CHST9: variants seen among roughly 807,000 people sequenced by gnomAD.
CHST9 encodes the protein GalNAc-4-sulfotransferase 2.
CHST9 carries 41 observed loss-of-function variants against 44.4 expected under a neutral mutation model. That is an observed-to-expected ratio of 0.92 (90% CI 0.72 to 1.20). The LOEUF is 1.20. CHST9 is among the 50% of genes most tolerant of loss of function. CHST9 has a pLI of 0.00. For synonymous variants in CHST9, 171 were observed against 178.4 expected, an observed-to-expected ratio of 0.96 and a Z score of 0.33; for missense variants, 504 against 516.5, an observed-to-expected ratio of 0.98 and a Z score of 0.23.
At chr18:26,954,160 G>A (rs917813125) in intron 4 of CHST9, among the ~76,000 whole-genome samples, 2 of 152,104 alleles carry the variant, frequency 1.3e-5, no homozygotes, top group Non-Finnish European at 2.9e-5. Flanking sequence ...GGCAGATTTG[G>A]TCATTCAGCA....
At chr18:26,925,442 T>C (rs2055748079) in intron 5 of CHST9, among the ~76,000 whole-genome samples, 1 of 152,230 alleles carries the variant, frequency 6.6e-6, no homozygotes, top group Non-Finnish European at 1.5e-5. Context: ...TTGCTGGAGC[T>C]GGTGTCTCAA....
intron 2 of CHST9, among the ~76,000 whole-genome samples, chr18:27,069,518 CA>C (rs1366009074): frequency 1.3e-5 from 2 of 152,202 alleles, no homozygotes; most frequent in Non-Finnish European, 2.9e-5. Flanking sequence ...TTCCTATACT[CA>C]TATTAAATAC....
At chr18:26,973,221 GTCTATTTCTTAC>G (rs1189960456) in intron 4 of CHST9, among the ~76,000 whole-genome samples, 3 of 152,064 alleles carry the variant, frequency 2.0e-5, no homozygotes, top group Non-Finnish European at 4.4e-5. Context: ...CTTTTCAATG[GTCTATTTCTTAC>G]TGCTAGAACG....
chr18:27,107,167 G>A (rs1160483128), intron 2 of CHST9, among the ~76,000 whole-genome samples: 2 of 152,172 alleles, frequency 1.3e-5, no homozygotes, highest in Non-Finnish European at 2.9e-5. Flanking sequence ...GGTAAATAGT[G>A]ACTATACGTC....
chr18:27,089,654 T>A (rs1330407655), intron 2 of CHST9, among the ~76,000 whole-genome samples: 1 of 152,172 alleles, frequency 6.6e-6, no homozygotes, highest in Non-Finnish European at 1.5e-5. Context: ...ATATACCCAG[T>A]AATGGGATTG....
intron 1 of CHST9, among the ~76,000 whole-genome samples, chr18:27,161,202 T>C (rs1190318272): frequency 6.6e-6 from 1 of 152,218 alleles, no homozygotes; most frequent in Non-Finnish European, 1.5e-5. Flanking sequence ...ATTGTGATGT[T>C]AGGGTGTCAA....
intron 3 of CHST9, among the ~76,000 whole-genome samples, chr18:27,027,266 C>T (rs2057293925): frequency 6.6e-6 from 1 of 152,158 alleles, no homozygotes; most frequent in African/African-American, 2.4e-5. Context: ...GGCTATGTGG[C>T]AGTTTGTTGT....
intron 4 of CHST9, among the ~76,000 whole-genome samples, chr18:27,020,553 T>C (rs2057212356): frequency 6.6e-6 from 1 of 152,222 alleles, no homozygotes; most frequent in Non-Finnish European, 1.5e-5. Context: ...TCAAATGTTA[T>C]TCATGGGAGA....
chr18:27,056,413 A>C (rs1425805145), intron 2 of CHST9, among the ~76,000 whole-genome samples: 1 of 152,152 alleles, frequency 6.6e-6, no homozygotes, highest in African/African-American at 2.4e-5. Flanking sequence ...GTGGTGATTA[A>C]GGACAATTTT....
intron 4 of CHST9, among the ~76,000 whole-genome samples, chr18:27,002,678 T>C (rs1039779785): frequency 6.6e-6 from 1 of 152,196 alleles, no homozygotes; most frequent in Admixed American, 6.5e-5. Context: ...AAATGCATTT[T>C]CAATTTATGA....
intron 4 of CHST9, among the ~76,000 whole-genome samples, chr18:26,987,544 G>A (rs1204837629): frequency 2.6e-5 from 4 of 151,982 alleles, no homozygotes; most frequent in African/African-American, 9.7e-5. Flanking sequence ...TGGGATTTAT[G>A]GTATATAAAA....
chr18:26,978,608 A>G lies in CHST9; in HGVS notation c.203-34242T>C, dbSNP rs78912067. ...AGTTTTGTGATGCAGAGGGATAAAC[A>G]CATGTTCAGAAAAACATCTGACTTC... On this transcript the variant is annotated intron_variant, in intron 4 of 5. Transcript: ENST00000618847. 3.0e-3 allele frequency among the ~76,000 whole-genome samples: 463 copies of G among 152,288 alleles called. 1 individual carries two copies. The highest frequency in any genetic ancestry group is 5.4e-3 in the Non-Finnish European group (367 of 68,026).
chr18:27,158,542 G>A (rs943533186), intron 1 of CHST9, among the ~76,000 whole-genome samples: 13 of 151,658 alleles, frequency 8.6e-5, no homozygotes, highest in African/African-American at 3.2e-4. Flanking sequence ...CTTTGCTATT[G>A]TGAATAGTGC....
intron 5 of CHST9, chr18:26,936,071 G>A (rs1027701362): frequency 2.0e-5 from 3 of 152,114 alleles, no homozygotes; most frequent in African/African-American, 4.8e-5. Flanking sequence ...GCAGACATAC[G>A]CAAAAGGATG....
chr18:26,975,408 C>T lies in CHST9; in HGVS notation c.203-31042G>A, dbSNP rs140215100. ...GTACAGTGTACTCCTTACATAATACCTCATTGTCTGGCCCCTCCCACTGCC... is the reference window on the plus strand; with the variant it reads ...GTACAGTGTACTCCTTACATAATACTTCATTGTCTGGCCCCTCCCACTGCC... On this transcript the variant is annotated intron_variant, in intron 4 of 5. Coordinates refer to ENST00000618847, the MANE Select transcript of CHST9 (RefSeq NM_031422.6). Among the ~76,000 whole-genome samples, 1,112 of 151,926 alleles carry T rather than the reference C, an allele frequency of 7.3e-3. 7 individuals carry two copies. The highest frequency in any genetic ancestry group is 0.012 in the Non-Finnish European group (783 of 67,962).
intron 1 of CHST9, among the ~76,000 whole-genome samples, chr18:27,157,336 A>C (rs1342603399): frequency 6.6e-6 from 1 of 152,166 alleles, no homozygotes; most frequent in Admixed American, 6.6e-5. Flanking sequence ...CACTAGAAGT[A>C]TGTGTATATT....
intron 4 of CHST9, among the ~76,000 whole-genome samples, chr18:27,015,617 G>A (rs1282601219): frequency 6.6e-6 from 1 of 152,082 alleles, no homozygotes; most frequent in African/African-American, 2.4e-5. Flanking sequence ...GGAAATAATG[G>A]CTTGAAAAAT....
intron 4 of CHST9, among the ~76,000 whole-genome samples, chr18:27,009,977 T>A (rs914775238): frequency 5.9e-5 from 9 of 152,156 alleles, no homozygotes; most frequent in Admixed American, 5.9e-4. Context: ...AGTAAAAAGG[T>A]AATACTTTTG....
chr18:27,063,960 A>T (rs2057753940), intron 2 of CHST9, among the ~76,000 whole-genome samples: 1 of 152,104 alleles, frequency 6.6e-6, no homozygotes, highest in Admixed American at 6.6e-5. Flanking sequence ...GAAGGAGGAG[A>T]AGCCAATCCC....
Sources: allele counts gnomAD v4.1 joint callset (sites outside exome capture counted in the v4.1 genomes callset), GRCh38; gene constraint gnomAD v4.1.1; transcripts MANE v1.5; gene names NCBI Gene and HGNC (gene_info 2026-07-23, HGNC 2026-07-21).